Variants in CCNK observed in about 807,000 individuals in gnomAD.
The protein encoded by CCNK is cyclin-K.
CCNK carries 9 observed loss-of-function variants against 65.0 expected under a neutral mutation model. That is an observed-to-expected ratio of 0.14 (90% CI 0.08 to 0.24). The LOEUF is 0.24. CCNK is among the 10% of genes least tolerant of loss of function. The pLI is 1.00. For missense variants in CCNK, 474 were observed against 720.0 expected, an observed-to-expected ratio of 0.66 and a Z score of 3.91; for synonymous variants, 279 against 270.8, an observed-to-expected ratio of 1.03 and a Z score of -0.30.
chr14:99,502,873 C>T lies in CCNK; in HGVS notation c.900C>T (p.Ser300=), dbSNP rs1441552230. The part of the protein sequence containing the change: ...QSQPSQSSEP[S]QPQQKDPQQP... ...AGCCGTCTCAAAGCTCCGAACCATC[C>T]CAGCCCCAGCAGAAGGACCCCCAGC... Residue 300 remains serine, a synonymous_variant, in exon 8 of 11, where the codon TCC becomes TCT. Transcript: ENST00000389879. 2 of 1,613,222 alleles carry T rather than the reference C, an allele frequency of 1.2e-6. No individual in the cohort carries two copies. The highest frequency in any genetic ancestry group is 1.7e-6 in the Non-Finnish European group (2 of 1,179,590).
At chr14:99,502,036 T>C in intron 6 of CCNK, 171 bp from the exon 7 acceptor site, 1 of 652,544 alleles carries the variant, frequency 1.5e-6, no homozygotes. Context: ...TAAAGTAACT[T>C]AGTCGGGTAC....
At chr14:99,489,628 G>C (rs958783179) in intron 1 of CCNK, among the ~76,000 whole-genome samples, 12 of 152,180 alleles carry the variant, frequency 7.9e-5, no homozygotes, top group Non-Finnish European at 1.6e-4. Context: ...AACAATATCA[G>C]AAATTACTTG....
intron 7 of CCNK, 52 bp downstream of exon 7, chr14:99,502,428 C>G: frequency 1.3e-6 from 2 of 1,587,650 alleles, no homozygotes; most frequent in Non-Finnish European, 1.7e-6. Context: ...TGAGATGATT[C>G]TTCCATGTGT....
chr14:99,499,560 G>A (rs1156504515), intron 4 of CCNK, among the ~76,000 whole-genome samples: 1 of 152,136 alleles, frequency 6.6e-6, no homozygotes, highest in Non-Finnish European at 1.5e-5. Context: ...CCTCTACAAC[G>A]CCCTGTCTTT....
chr14:99,511,902 GAGGGGCCACGGCTCTGTCTGTGGA>G lies in CCNK; in HGVS notation c.*1128_*1151del, dbSNP rs1336250134. On this transcript the variant is annotated 3_prime_UTR_variant, in exon 11 of 11. Coordinates refer to ENST00000389879, the MANE Select transcript of CCNK (RefSeq NM_001099402.2). ...GAGCAGCGGCCTCACTGTCCACCTT[GAGGGGCCACGGCTCTGTCTGTGGA>G]AGGGGCCCCGACTGAGCCCCCATCT... 1 of 152,416 alleles carries G rather than the reference GAGGGGCCACGGCTCTGTCTGTGGA, an allele frequency of 6.6e-6. No individual in the cohort carries two copies. Among genetic ancestry groups the G allele is most frequent in the Non-Finnish European group, 1.5e-5 (1 of 68,056 alleles). The allele number at this position is 152,416 out of a possible 1,614,324, so 9.4% of individuals were successfully genotyped here. A position where few individuals can be genotyped will look rare whatever the true frequency, so the allele number is the denominator to read the frequency against.
At chr14:99,501,836 C>A in intron 6 of CCNK, 1 of 231,478 alleles carries the variant, frequency 4.3e-6, no homozygotes, top group Non-Finnish European at 8.3e-6. Flanking sequence ...CTGCCAGCCC[C>A]ATCCCACTGC....
rs766722787 is a variant in CCNK at position 99,502,702 on chromosome 14, T to C, written c.746-17T>C. ...AATACCAATTTGTGTAAAATGTAAT[T>C]GTTGGCTATCATTTAGACATCTGCC... is the stretch of plus-strand genomic sequence containing the variant. On this transcript the variant is annotated splice_polypyrimidine_tract_variant and intron_variant, in intron 7 of 10. Transcript: ENST00000389879. The C allele has an allele frequency of 3.7e-6, 6 of 1,608,632 alleles. No homozygotes were observed. Among genetic ancestry groups the C allele is most frequent in the Non-Finnish European group, 5.1e-6 (6 of 1,175,256 alleles).
chr14:99,509,591 T>TA, intron 10 of CCNK: 1 of 156,678 alleles, frequency 6.4e-6, no homozygotes, highest in Non-Finnish European at 1.4e-5. Context: ...AGGAGGCTGC[T>TA]ATCTGAGAGC....
At chr14:99,503,694 A>C (rs1896900264) in intron 9 of CCNK, 50 bp downstream of exon 9, 1 of 1,446,664 alleles carries the variant, frequency 6.9e-7, no homozygotes, top group East Asian at 2.5e-5. Context: ...TATATGCAAA[A>C]CTTTAAATTC....
chr14:99,499,264 C>T (rs1336433877), intron 4 of CCNK, among the ~76,000 whole-genome samples: 3 of 152,152 alleles, frequency 2.0e-5, no homozygotes, highest in African/African-American at 7.2e-5. Context: ...TCTTGAACTC[C>T]TGACCTCAAG....
chr14:99,481,853 A>G (rs977739419), intron 1 of CCNK, among the ~76,000 whole-genome samples: 1 of 152,262 alleles, frequency 6.6e-6, no homozygotes, highest in Non-Finnish European at 1.5e-5. Context: ...TTCGCGGCGT[A>G]TTAGTCCCAA....
At chr14:99,499,413 T>C (rs963897551) in intron 4 of CCNK, among the ~76,000 whole-genome samples, 1 of 152,220 alleles carries the variant, frequency 6.6e-6, no homozygotes, top group East Asian at 1.9e-4. Flanking sequence ...GAAACTAAGA[T>C]TGAAAAACCT....
rs1897110132 is a variant in CCNK at position 99,510,742 on chromosome 14, C to T, written c.1703C>T (p.Pro568Leu). 9 of 1,453,114 alleles carry T rather than the reference C, an allele frequency of 6.2e-6. No homozygotes were observed. Among genetic ancestry groups the T allele is most frequent in the Non-Finnish European group, 8.2e-6 (9 of 1,103,618 alleles). The allele number at this position is 1,453,114 out of a possible 1,614,324, so 90.0% of individuals were successfully genotyped here. A position where few individuals can be genotyped will look rare whatever the true frequency, so the allele number is the denominator to read the frequency against. Residue 568 changes from proline to leucine, a missense_variant, in exon 11 of 11, where the codon CCT becomes CTT. Pro to Leu is a moderately conservative substitution (Grantham distance 98). This residue lies in a region of CCNK where 53 missense variants were observed against 91.4 expected (regional missense o/e 0.58). Transcript: ENST00000389879. ...VPPPIPPPGM[P>L]PVGGLGRAAW... is the part of the protein sequence containing the mutation. ...CCGCCCATTCCCCCACCCGGCATGC[C>T]TCCAGTTGGGGGGCTGGGGCGGGCA...
chr14:99,493,306 A>G (rs1896633257), intron 2 of CCNK, among the ~76,000 whole-genome samples: 1 of 152,202 alleles, frequency 6.6e-6, no homozygotes, highest in Admixed American at 6.5e-5. Flanking sequence ...AAGTGTTTCT[A>G]AAGGGTGTTA....
intron 1 of CCNK, among the ~76,000 whole-genome samples, chr14:99,490,655 C>T (rs773657661): frequency 7.9e-5 from 12 of 152,210 alleles, no homozygotes; most frequent in East Asian, 7.7e-4. Flanking sequence ...TGGCTGGGCG[C>T]GGTGGCTCAC....
Position 99,502,384 on chromosome 14 carries a change from G to A in CCNK, c.745+8G>A. On this transcript the variant is annotated splice_region_variant and intron_variant, in intron 7 of 10. Transcript: ENST00000389879. ...CGGTCGACGTTTTGGAAGGTACCAG[G>A]CATGCTAAGCGTTCTCGTGAGGGTG... 1 of 1,612,856 alleles carries A rather than the reference G, an allele frequency of 6.2e-7. No homozygotes were observed. Among genetic ancestry groups the A allele is most frequent in the South Asian group, 1.1e-5 (1 of 90,864 alleles).
In CCNK at chr14:99,492,813, G is replaced by T; in HGVS notation, c.136G>T (p.Glu46Ter). The change falls in exon 2 of 11, where the codon GAG becomes TAG. Residue 46 changes from glutamate to a stop codon, truncating the protein, a stop_gained. Coordinates refer to ENST00000389879, the MANE Select transcript of CCNK (RefSeq NM_001099402.2). LOFTEE classifies it high-confidence loss of function. The stretch of plus-strand genomic sequence containing the variant: ...ACTTGAAGGACTTGATCCAGCCACC[G>T]AGGCCCGGTACCGCCGAGAGGGCGC... ...SQLEGLDPAT[E>*]ARYRREGARF... The T allele has an allele frequency of 6.2e-7, 1 of 1,612,902 alleles. No homozygotes were observed. Among genetic ancestry groups the T allele is most frequent in the Non-Finnish European group, 8.5e-7 (1 of 1,179,568 alleles).
intron 8 of CCNK, chr14:99,503,377 A>G: frequency 3.3e-6 from 2 of 602,528 alleles, no homozygotes; most frequent in Non-Finnish European, 5.9e-6. Context: ...AGAACTCACC[A>G]TTCAGGAAAG....
In CCNK at chr14:99,501,311, A is replaced by G. The variant is rs754486460; in HGVS notation, c.518-45A>G. ...TAATAAATACTTGATGCTGCCTGTGAATTTTTCTATTGCTATTAATTTACC... is the reference window on the plus strand; with the variant it reads ...TAATAAATACTTGATGCTGCCTGTGGATTTTTCTATTGCTATTAATTTACC... On this transcript the variant is annotated intron_variant, in intron 5 of 10. Coordinates refer to ENST00000389879, the MANE Select transcript of CCNK (RefSeq NM_001099402.2). 9.4e-5 allele frequency: 118 copies of G among 1,258,882 alleles called. 1 individual carries two copies. In the Admixed American group the frequency reaches 2.0e-3, roughly 21 times the overall value. 78.0% of individuals were successfully genotyped at this position (1,258,882 alleles called of 1,614,324 possible).
Sources: gnomAD v4.1 joint callset for allele counts (sites outside exome capture counted in the v4.1 genomes callset) on GRCh38, gnomAD v4.1.1 for gene constraint, gnomAD v4.1.1 regional missense constraint, MANE v1.5 for transcripts, NCBI Gene and HGNC (gene_info 2026-07-23, HGNC 2026-07-21) for gene names.